The following RAD51B variants were observed in gnomAD, a reference collection of about 807,000 sequenced individuals.
RAD51B encodes the protein RAD51 paralog B.
Under a neutral mutation model 42.2 loss-of-function variants are expected in RAD51B, and 38 were observed. That is an observed-to-expected ratio of 0.90 (90% confidence interval 0.70 to 1.18). The LOEUF is 1.18. Ranked by LOEUF, RAD51B falls within the 50% of genes most tolerant of loss-of-function variation. The probability of loss-of-function intolerance (pLI) is 0.00; values close to 1 mark genes in which losing one functional copy is unlikely to be tolerated. For missense variants in RAD51B, 373 were observed against 400.7 expected (o/e 0.93, Z 0.59); for synonymous variants, 154 against 145.2 (o/e 1.06, Z -0.43).
intron 9 of RAD51B, among the ~76,000 whole-genome samples, chr14:68,447,988 A>G (rs1244847666): frequency 6.6e-6 from 1 of 152,238 alleles, no homozygotes; most frequent in East Asian, 1.9e-4. Context: ...GGAAAAAGCA[A>G]AGATGAATAA....
At chr14:68,218,549 G>C (rs1023563215) in intron 7 of RAD51B, among the ~76,000 whole-genome samples, 6 of 152,290 alleles carry the variant, frequency 3.9e-5, no homozygotes, top group Admixed American at 1.3e-4. Flanking sequence ...CTGAATGTAA[G>C]TGCTATTGAT....
intron 7 of RAD51B, among the ~76,000 whole-genome samples, chr14:67,940,027 T>C (rs1191762014): frequency 0.017 from 108 of 6,308 alleles, 4 homozygotes; most frequent in African/African-American, 0.024. Context: ...TAGATGCATA[T>C]ATATATATAT....
intron 7 of RAD51B, among the ~76,000 whole-genome samples, chr14:68,002,778 A>C: frequency 6.6e-6 from 1 of 152,180 alleles, no homozygotes; most frequent in Admixed American, 6.5e-5. Flanking sequence ...CACCTATTAA[A>C]TAGGGACTCC....
chr14:68,534,599 G>T (rs1276084774), intron 10 of RAD51B, among the ~76,000 whole-genome samples: 1 of 152,166 alleles, frequency 6.6e-6, no homozygotes, highest in Non-Finnish European at 1.5e-5. Flanking sequence ...GGCCAATCAG[G>T]TTTTGGTGAA....
At chr14:68,014,695 A>AAATAAAT (rs2075745287) in intron 7 of RAD51B, among the ~76,000 whole-genome samples, 1 of 150,396 alleles carries the variant, frequency 6.6e-6, no homozygotes, top group Non-Finnish European at 1.5e-5. Context: ...AGGATCAGTA[A>AAATAAAT]AAATAAATAA....
intron 7 of RAD51B, among the ~76,000 whole-genome samples, chr14:67,990,280 C>A (rs1414246137): frequency 6.6e-6 from 1 of 152,164 alleles, no homozygotes; most frequent in African/African-American, 2.4e-5. Flanking sequence ...CAGGCGTAAG[C>A]CACCACGCCT....
intron 7 of RAD51B, among the ~76,000 whole-genome samples, chr14:68,235,862 A>G (rs1175305244): frequency 1.3e-5 from 2 of 152,182 alleles, no homozygotes; most frequent in Non-Finnish European, 2.9e-5. Flanking sequence ...ACACTGTAGA[A>G]TACTACACAA....
chr14:68,322,278 A>G (rs1044025788), intron 8 of RAD51B, among the ~76,000 whole-genome samples: 2 of 152,226 alleles, frequency 1.3e-5, no homozygotes, highest in African/African-American at 4.8e-5. Flanking sequence ...ATAAGAGAGC[A>G]TATTACATAA....
chr14:67,857,338 C>G (rs2042028984), intron 4 of RAD51B, among the ~76,000 whole-genome samples: 1 of 152,130 alleles, frequency 6.6e-6, no homozygotes, highest in African/African-American at 2.4e-5. Context: ...ACTCAACAAA[C>G]AAACCCAGAA....
chr14:68,568,223 G>A (rs1242515316), intron 10 of RAD51B, among the ~76,000 whole-genome samples: 1 of 152,206 alleles, frequency 6.6e-6, no homozygotes, highest in Non-Finnish European at 1.5e-5. Flanking sequence ...TGTGAAAAGT[G>A]CTAAGATAGA....
At chr14:68,562,342 A>C in intron 10 of RAD51B, 1 of 985,408 alleles carries the variant, frequency 1.0e-6, no homozygotes. Flanking sequence ...ACAGGGTGAG[A>C]CAGGGAGTTT....
chr14:67,866,032 A>G (rs916848763), intron 5 of RAD51B, among the ~76,000 whole-genome samples: 3 of 152,236 alleles, frequency 2.0e-5, no homozygotes, highest in African/African-American at 7.2e-5. Flanking sequence ...CCAGCCACCA[A>G]TTTACAACCT....
Position 67,870,344 on chromosome 14 carries a change from G to A in RAD51B, c.452+5205G>A, listed in dbSNP as rs1260257173. 1.4e-4 allele frequency among the ~76,000 whole-genome samples: 22 copies of A among 152,088 alleles called. No homozygotes were observed. The South Asian group carries it at 1.7e-3, about 11-fold the overall frequency. ...AAGATCAAAAGAGACAAAGAAGGCC[G>A]TTACATAATGGTAAAGGGATCAATT... is the stretch of plus-strand genomic sequence containing the variant. On this transcript the variant is annotated intron_variant, in intron 5 of 10. Coordinates refer to ENST00000471583, the MANE Select transcript of RAD51B (RefSeq NM_133510.4).
chr14:67,889,263 A>G (rs1419184195), intron 7 of RAD51B, among the ~76,000 whole-genome samples: 3 of 151,482 alleles, frequency 2.0e-5, no homozygotes, highest in Non-Finnish European at 1.5e-5. Flanking sequence ...AAATGTTGGA[A>G]TTTTCCTAGC....
chr14:68,510,664 CCA>C (rs1349683124), intron 10 of RAD51B, among the ~76,000 whole-genome samples: 2 of 152,180 alleles, frequency 1.3e-5, no homozygotes, highest in Admixed American at 6.5e-5. Flanking sequence ...AAGGCCTGAG[CCA>C]CTTAAGGCTT....
At chr14:68,525,717 C>A (rs1331509125) in intron 10 of RAD51B, among the ~76,000 whole-genome samples, 1 of 152,176 alleles carries the variant, frequency 6.6e-6, no homozygotes, top group Non-Finnish European at 1.5e-5. Context: ...CACACCCACA[C>A]TCGCCCCAAA....
intron 7 of RAD51B, among the ~76,000 whole-genome samples, chr14:67,971,688 TTTGTGACTG>T (rs1308815087): frequency 3.9e-5 from 6 of 152,056 alleles, no homozygotes; most frequent in Non-Finnish European, 7.4e-5. Context: ...TTTTTTATTC[TTTGTGACTG>T]TTGTGTGTTA....
chr14:68,550,857 G>C (rs1261347941), intron 10 of RAD51B, among the ~76,000 whole-genome samples: 1 of 152,178 alleles, frequency 6.6e-6, no homozygotes, highest in Non-Finnish European at 1.5e-5. Flanking sequence ...ATTTTCCAGA[G>C]AAGGAGTTGC....
chr14:67,833,632 A>T (rs564492981), intron 3 of RAD51B, among the ~76,000 whole-genome samples: 1 of 152,332 alleles, frequency 6.6e-6, no homozygotes, highest in South Asian at 2.1e-4. Context: ...TCCAGGTGGG[A>T]TGATGTGAGA....
Sources: allele counts gnomAD v4.1 joint callset (sites outside exome capture counted in the v4.1 genomes callset), GRCh38; gene constraint gnomAD v4.1.1; transcripts MANE v1.5; gene names NCBI Gene and HGNC (gene_info 2026-07-23, HGNC 2026-07-21).